Variants in NELL2 observed in about 807,000 individuals in gnomAD.
NELL2 encodes protein kinase C-binding protein NELL2.
A neutral mutation model predicts 109.6 loss-of-function variants in NELL2; 41 were observed. That is an observed-to-expected ratio of 0.37 (90% CI 0.29 to 0.49). NELL2 has a LOEUF of 0.49. NELL2 is among the 20% of genes least tolerant of loss of function. The pLI, the probability that NELL2 is intolerant of heterozygous loss-of-function variation, is 0.98. For synonymous variants in NELL2, 355 were observed against 344.7 expected (o/e 1.03, Z -0.33); for missense variants, 900 against 1,008.3 (o/e 0.89, Z 1.45).
chr12:44,715,344 T>C (rs1029822947), intron 9 of NELL2, among the ~76,000 whole-genome samples: 5 of 150,416 alleles, frequency 3.3e-5, no homozygotes, highest in African/African-American at 9.8e-5. Context: ...AATTTTAAAA[T>C]GTAACCTTAG....
intron 15 of NELL2, among the ~76,000 whole-genome samples, 198 bp from the exon 16 acceptor site, chr12:44,532,919 G>C (rs145096299): frequency 1.3e-5 from 2 of 152,278 alleles, no homozygotes; most frequent in East Asian, 3.9e-4. Context: ...GAAACATCTA[G>C]AAGGCTTCTT....
At position 44,686,108 on chromosome 12, in the gene NELL2, C is replaced by T. The variant is rs1299166685; in HGVS notation, c.1318+17618G>A. Among the ~76,000 whole-genome samples, 31 of 152,176 alleles carry T rather than the reference C, an allele frequency of 2.0e-4. 1 individual carries two copies. The highest frequency in any genetic ancestry group is 6.8e-3 in the Middle Eastern group (2 of 294). On this transcript the variant is annotated intron_variant, in intron 12 of 19. Coordinates refer to ENST00000429094, the MANE Select transcript of NELL2 (RefSeq NM_001145108.2). ...AGTCCCATATTTCTTGGAGGCTTTG[C>T]TCGTTTCTTTTTATTCTTTTTCTCT...
At chr12:44,527,578 T>C (rs1941842527) in intron 16 of NELL2, among the ~76,000 whole-genome samples, 1 of 152,176 alleles carries the variant, frequency 6.6e-6, no homozygotes, top group South Asian at 2.1e-4. Context: ...AGTCTTACAC[T>C]TCAGAGTAAT....
chr12:44,593,851 C>T (rs549202180), intron 15 of NELL2, among the ~76,000 whole-genome samples: 17 of 152,188 alleles, frequency 1.1e-4, no homozygotes, highest in South Asian at 2.1e-4. Flanking sequence ...CTTGGCTATA[C>T]GGGCTCAATA....
intron 19 of NELL2, among the ~76,000 whole-genome samples, chr12:44,518,102 A>G (rs1479957374): frequency 2.6e-5 from 4 of 152,258 alleles, no homozygotes; most frequent in Non-Finnish European, 5.9e-5. Flanking sequence ...AGTATTTAAT[A>G]GTAACTTCTA....
rs1269680669 is a variant in NELL2, at chr12:44,876,013, G to T, written c.-144C>A. 2.0e-6 allele frequency: 3 copies of T among 1,516,364 alleles called. No homozygotes were observed. In the Admixed American group the frequency reaches 6.2e-5, roughly 32 times the overall value. 93.9% of individuals were successfully genotyped at this position (1,516,364 alleles called of 1,614,324 possible). On this transcript the variant is annotated 5_prime_UTR_variant, in exon 1 of 20. Transcript: ENST00000429094. The stretch of plus-strand genomic sequence containing the variant: ...CTGATCAGTAGGATTAATACGCTTT[G>T]GTTGCCTAAGAAAGAAAAGGGAGGC...
At chr12:44,697,240 C>T (rs1949090801) in intron 12 of NELL2, among the ~76,000 whole-genome samples, 1 of 152,120 alleles carries the variant, frequency 6.6e-6, no homozygotes, top group South Asian at 2.1e-4. Flanking sequence ...ATTATTTACC[C>T]ACTTATTTCA....
chr12:44,842,330 A>T (rs984841463), intron 2 of NELL2, among the ~76,000 whole-genome samples: 2 of 152,204 alleles, frequency 1.3e-5, no homozygotes, highest in Admixed American at 1.3e-4. Flanking sequence ...TACCAAATAA[A>T]TTCAATGGGG....
chr12:44,556,919 G>C (rs994909712), intron 15 of NELL2, among the ~76,000 whole-genome samples: 1 of 152,192 alleles, frequency 6.6e-6, no homozygotes, highest in African/African-American at 2.4e-5. Flanking sequence ...GAGGTGGCAA[G>C]AGACAAGGTG....
chr12:44,866,434 T>C (rs1592678855), intron 2 of NELL2, among the ~76,000 whole-genome samples: 3 of 152,178 alleles, frequency 2.0e-5, no homozygotes, highest in Admixed American at 6.5e-5. Context: ...TTGAAACACA[T>C]GAGAATGGAC....
intron 3 of NELL2, among the ~76,000 whole-genome samples, chr12:44,788,529 G>A (rs889832619): frequency 2.0e-5 from 3 of 152,220 alleles, no homozygotes; most frequent in African/African-American, 7.2e-5. Context: ...GAGTCTCCAA[G>A]CAGGCCATTC....
intron 1 of NELL2, among the ~76,000 whole-genome samples, chr12:44,884,974 G>C (rs1307084490): frequency 1.3e-5 from 2 of 151,988 alleles, no homozygotes; most frequent in African/African-American, 4.8e-5. Context: ...TCTATCCAAT[G>C]AGGCAATAAA....
chr12:44,618,413 C>T (rs2136266829), intron 13 of NELL2, among the ~76,000 whole-genome samples: 1 of 152,254 alleles, frequency 6.6e-6, no homozygotes, highest in Non-Finnish European at 1.5e-5. Flanking sequence ...CCTTATTTGA[C>T]CAAGAATCTT....
At chr12:44,858,658 C>T (rs1944750619) in intron 2 of NELL2, among the ~76,000 whole-genome samples, 1 of 152,166 alleles carries the variant, frequency 6.6e-6, no homozygotes, top group African/African-American at 2.4e-5. Context: ...ACAGTATTCA[C>T]CAATAAGTTG....
At chr12:44,871,413 A>G (rs1212540941) in intron 2 of NELL2, among the ~76,000 whole-genome samples, 2 of 152,222 alleles carry the variant, frequency 1.3e-5, no homozygotes, top group African/African-American at 4.8e-5. Context: ...TTTCCCAAAA[A>G]TAACTTATTT....
At chr12:44,702,223 C>A (rs1042006293) in intron 12 of NELL2, among the ~76,000 whole-genome samples, 4 of 152,006 alleles carry the variant, frequency 2.6e-5, no homozygotes, top group Non-Finnish European at 4.4e-5. Context: ...TTTTACTACC[C>A]GAAATTGTCT....
Position 44,815,193 on chromosome 12 carries a change from TC to T in NELL2, c.335+792del, listed in dbSNP as rs752314495. ...AATGACTTTCTTCTTCTTCCTCCTTTCCCCCCATCCAGAGCTCCTAATCCTG... is the reference window on the plus strand; with the variant it reads ...AATGACTTTCTTCTTCTTCCTCCTTTCCCCCATCCAGAGCTCCTAATCCTG... On this transcript the variant is annotated intron_variant, in intron 3 of 19. Transcript: ENST00000429094. Among the ~76,000 whole-genome samples, 15 of 151,928 alleles carry T rather than the reference TC, an allele frequency of 9.9e-5. 1 individual carries two copies. Among genetic ancestry groups the T allele is most frequent in the Admixed American group, 2.6e-4 (4 of 15,278 alleles).
intron 2 of NELL2, among the ~76,000 whole-genome samples, chr12:44,845,650 C>A (rs1837751021): frequency 6.6e-6 from 1 of 152,100 alleles, no homozygotes; most frequent in African/African-American, 2.4e-5. Context: ...TCAATGGAAA[C>A]TGAATTTCTG....
intron 19 of NELL2, among the ~76,000 whole-genome samples, chr12:44,516,036 A>G (rs887577969): frequency 6.6e-6 from 1 of 151,370 alleles, no homozygotes; most frequent in African/African-American, 2.4e-5. Flanking sequence ...TTTTTTTATT[A>G]TACTTTAAGT....
Sources: allele counts gnomAD v4.1 joint callset (sites outside exome capture counted in the v4.1 genomes callset), GRCh38; gene constraint gnomAD v4.1.1; transcripts MANE v1.5; gene names NCBI Gene and HGNC (gene_info 2026-07-23, HGNC 2026-07-21).